AFAP1L2: variants seen among roughly 807,000 people sequenced by gnomAD.
AFAP1L2 encodes the protein actin filament-associated protein 1-like 2.
Under a neutral mutation model 99.3 loss-of-function variants are expected in AFAP1L2, and 46 were observed. The observed-to-expected ratio is 0.46, with a 90% CI of 0.37 to 0.59. The LOEUF is 0.59. Ranked by LOEUF, AFAP1L2 falls within the 20% of genes least tolerant of loss-of-function variation. The pLI is 0.00. For missense variants in AFAP1L2, 959 were observed against 1,034.9 expected (o/e 0.93, Z 1.01); for synonymous variants, 397 against 419.1 (o/e 0.95, Z 0.64).
intron 2 of AFAP1L2, among the ~76,000 whole-genome samples, chr10:114,340,376 G>T (rs2048639649): frequency 6.6e-6 from 1 of 152,130 alleles, no homozygotes; most frequent in African/African-American, 2.4e-5. Context: ...AAAAACCCAT[G>T]TGAGGACACA....
Position 114,296,052 on chromosome 10 carries a change from C to T in AFAP1L2, c.2447G>A (p.Gly816Glu), listed in dbSNP as rs1179696556. 6.2e-7 allele frequency: 1 copy of T among 1,614,170 alleles called. No homozygotes were observed. Among genetic ancestry groups the T allele is most frequent in the South Asian group, 1.1e-5 (1 of 91,080 alleles). Residue 816 changes from glycine to glutamate, a missense_variant, in exon 19 of 19, where the codon GGA (glycine) becomes GAA (glutamate). By Grantham distance (98) the Gly-to-Glu change is moderately conservative (BLOSUM62 -2). Transcript: ENST00000304129. ...LQKAKEWEKKGAS is the reference protein window; with the variant it reads ...LQKAKEWEKKEAS ...GATGAAGCTTGTTTTCTAACTTGCT[C>T]CTTTCTTCTCCCATTCCTAGGGTAC... is the stretch of plus-strand genomic sequence containing the variant.
chr10:114,394,703 C>A (rs1416405959), intron 1 of AFAP1L2, among the ~76,000 whole-genome samples: 1 of 152,160 alleles, frequency 6.6e-6, no homozygotes. Flanking sequence ...GTCCAAGAGG[C>A]GTCCTGAAGC....
intron 1 of AFAP1L2, among the ~76,000 whole-genome samples, chr10:114,349,055 C>G (rs2050032728): frequency 6.6e-6 from 1 of 152,080 alleles, no homozygotes; most frequent in African/African-American, 2.4e-5. Context: ...TCCTAAAGTC[C>G]TTTTCCTTCT....
At chr10:114,391,829 C>T (rs2057192003) in intron 1 of AFAP1L2, among the ~76,000 whole-genome samples, 1 of 152,088 alleles carries the variant, frequency 6.6e-6, no homozygotes, top group Admixed American at 6.5e-5. Flanking sequence ...TACAAGGAGC[C>T]CGGTATGACT....
intron 4 of AFAP1L2, among the ~76,000 whole-genome samples, chr10:114,327,728 A>G (rs750932479): frequency 3.5e-4 from 54 of 152,218 alleles, no homozygotes; most frequent in Non-Finnish European, 1.0e-4. Context: ...CTAATAAAAC[A>G]CTATTTACTA....
rs564265348 is a variant in AFAP1L2, at chr10:114,323,159, G to A, written c.406+12C>T. 16 of 1,581,666 alleles carry A rather than the reference G, an allele frequency of 1.0e-5. No individual in the cohort carries two copies. Among genetic ancestry groups the A allele is most frequent in the South Asian group, 3.5e-5 (3 of 86,538 alleles). On this transcript the variant is annotated intron_variant, in intron 5 of 18. Coordinates refer to ENST00000304129, the MANE Select transcript of AFAP1L2 (RefSeq NM_001001936.3). ...TAAGTCACCCTCCCAAGCCCCAGCC[G>A]CTGGGATGTACCATTGAGGGATGTG...
intron 12 of AFAP1L2, among the ~76,000 whole-genome samples, 160 bp downstream of exon 12, chr10:114,302,179 G>A (rs568404623): frequency 2.6e-5 from 4 of 152,288 alleles, no homozygotes; most frequent in Admixed American, 2.6e-4. Context: ...CTCTTGGCCG[G>A]GCCTCCCTGA....
intron 1 of AFAP1L2, among the ~76,000 whole-genome samples, chr10:114,368,162 ATGGATGGACC>A (rs569340618): frequency 1.6e-4 from 24 of 152,232 alleles, no homozygotes; most frequent in Non-Finnish European, 3.2e-4. Context: ...TGGCAACAAC[ATGGATGGACC>A]TGGAGGACAT....
chr10:114,280,879 C>A, the AFAP1L2 span: 1 of 152,118 alleles, frequency 6.6e-6, no homozygotes, highest in Admixed American at 6.5e-5. Context: ...GTTGGGACTA[C>A]AGACACGCAC....
Position 114,315,660 on chromosome 10 carries a change from T to C in AFAP1L2, c.512A>G (p.Glu171Gly), listed in dbSNP as rs772930546. The C allele has an allele frequency of 7.4e-6, 12 of 1,613,966 alleles. No homozygotes were observed. In the South Asian group the frequency reaches 1.3e-4, roughly 18 times the overall value. ...YQWPSPEAGI[E>G]LMRDARICAF... ...GCAGATGCGGGCGTCACGCATCAGC[T>C]CGATGCCGGCCTCCGGCGAGGGCCA... The change falls in exon 6 of 19, where the codon GAG becomes GGG. Residue 171 changes from glutamate to glycine, a missense_variant. By Grantham distance (98) the Glu-to-Gly change is moderately conservative (BLOSUM62 -2). Transcript: ENST00000304129.
chr10:114,352,279 C>T (rs2050627123), intron 1 of AFAP1L2, among the ~76,000 whole-genome samples: 1 of 151,908 alleles, frequency 6.6e-6, no homozygotes, highest in Non-Finnish European at 1.5e-5. Context: ...TTGAGACCAG[C>T]CTGGCCAATA....
Position 114,315,579 on chromosome 10 carries a change from A to G in AFAP1L2, c.593T>C (p.Ile198Thr). ...ACTGACCAGAAGCCTGTTGTCCTTG[A>G]TGACACAGAGCTGCTTGGCCCACTG... Reference protein sequence around the residue: ...LGQWAKQLCVIKDNRLLCYKS... With the variant: ...LGQWAKQLCVTKDNRLLCYKS... Residue 198 changes from isoleucine (I) to threonine (T), a missense_variant, in exon 6 of 19, where the codon ATC becomes ACC. Physicochemically the swap from Ile to Thr is moderately conservative, Grantham distance 89 (BLOSUM62 -1). Coordinates refer to ENST00000304129, the MANE Select transcript of AFAP1L2 (RefSeq NM_001001936.3). The G allele has an allele frequency of 6.2e-7, 1 of 1,614,120 alleles. No individual in the cohort carries two copies. Among genetic ancestry groups the G allele is most frequent in the Middle Eastern group, 1.7e-4 (1 of 6,024 alleles).
rs549288392 is a variant in AFAP1L2, at chr10:114,304,680, A to G, written c.1284+39T>C. ...GGCAGCAAACAGCCACCACCGCCAC[A>G]CCCTGGCTGGCCCTGCTCCCCCTGC... On this transcript the variant is annotated intron_variant, in intron 11 of 18. Coordinates refer to ENST00000304129, the MANE Select transcript of AFAP1L2 (RefSeq NM_001001936.3). The G allele has an allele frequency of 1.6e-5, 25 of 1,534,324 alleles. No homozygotes were observed. In the African/African-American group the frequency reaches 3.4e-4, roughly 21 times the overall value.
chr10:114,345,492 A>G (rs1390737147), intron 1 of AFAP1L2, among the ~76,000 whole-genome samples: 1 of 152,162 alleles, frequency 6.6e-6, no homozygotes, highest in Non-Finnish European at 1.5e-5. Flanking sequence ...TGAGGGTGTG[A>G]GCTAATCATG....
At chr10:114,375,636 A>G (rs2054692918) in intron 1 of AFAP1L2, among the ~76,000 whole-genome samples, 1 of 152,188 alleles carries the variant, frequency 6.6e-6, no homozygotes, top group South Asian at 2.1e-4. Flanking sequence ...CTTAGCTTGA[A>G]GGCCCTTGGC....
At chr10:114,398,864 C>T (rs1200874031) in intron 1 of AFAP1L2, 1 of 1,304,206 alleles carries the variant, frequency 7.7e-7, no homozygotes, top group Non-Finnish European at 1.0e-6. Context: ...CAGAAACCTG[C>T]CGGATCCTTC....
chr10:114,323,151 C>T lies in AFAP1L2; in HGVS notation c.406+20G>A. The T allele has an allele frequency of 6.4e-7, 1 of 1,571,614 alleles. No individual in the cohort carries two copies. Among genetic ancestry groups the T allele is most frequent in the Non-Finnish European group, 8.6e-7 (1 of 1,156,148 alleles). On this transcript the variant is annotated intron_variant, in intron 5 of 18. Coordinates refer to ENST00000304129, the MANE Select transcript of AFAP1L2 (RefSeq NM_001001936.3). ...GGAAGCAGTAAGTCACCCTCCCAAG[C>T]CCCAGCCGCTGGGATGTACCATTGA...
At chr10:114,385,840 C>G (rs926831066) in intron 1 of AFAP1L2, among the ~76,000 whole-genome samples, 1 of 152,154 alleles carries the variant, frequency 6.6e-6, no homozygotes, top group African/African-American at 2.4e-5. Context: ...AAATGCTTTT[C>G]TTATTGGAAC....
intron 1 of AFAP1L2, among the ~76,000 whole-genome samples, chr10:114,390,451 G>A (rs980490966): frequency 1.3e-5 from 2 of 152,118 alleles, no homozygotes; most frequent in South Asian, 2.1e-4. Context: ...GGCCGGCTGC[G>A]GTGGCTCACG....
Sources: allele counts gnomAD v4.1 joint callset (sites outside exome capture counted in the v4.1 genomes callset), GRCh38; gene constraint gnomAD v4.1.1; transcripts MANE v1.5; gene names NCBI Gene and HGNC (gene_info 2026-07-23, HGNC 2026-07-21).